The following LHFPL6 variants were observed in gnomAD, a reference collection of about 807,000 sequenced individuals.
LHFPL6 encodes the protein LHFPL tetraspan subfamily member 6.
A neutral mutation model predicts 20.6 loss-of-function variants in LHFPL6; 9 were observed. The ratio of observed to expected loss-of-function variants is 0.44; its 90% CI spans 0.26 to 0.76. The LOEUF is 0.76. LHFPL6 is among the 30% of genes least tolerant of loss of function. LHFPL6 has a pLI of 0.20. For synonymous variants in LHFPL6, 105 were observed against 98.7 expected, an observed-to-expected ratio of 1.06 and a Z score of -0.38; for missense variants, 218 against 253.5, an observed-to-expected ratio of 0.86 and a Z score of 0.95.
chr13:39,589,981 A>G (rs1323635197), intron 2 of LHFPL6, among the ~76,000 whole-genome samples: 2 of 152,226 alleles, frequency 1.3e-5, no homozygotes, highest in African/African-American at 4.8e-5. Flanking sequence ...CAAAGAGACA[A>G]TAAGAATATT....
intron 2 of LHFPL6, among the ~76,000 whole-genome samples, chr13:39,594,923 C>T (rs531126340): frequency 1.3e-5 from 2 of 152,134 alleles, no homozygotes; most frequent in African/African-American, 4.8e-5. Flanking sequence ...ACAATGAGAA[C>T]ACACGGACAC....
Position 39,361,316 on chromosome 13 carries a change from T to A in LHFPL6, c.484+17112A>T, listed in dbSNP as rs914370759. 7.0e-5 allele frequency among the ~76,000 whole-genome samples: 7 copies of A among 100,242 alleles called. 2 individuals carry two copies. The highest frequency in any genetic ancestry group is 1.2e-4 in the African/African-American group (4 of 33,078). The allele number at this position is 100,242 out of a possible 152,430, so 65.8% of individuals were successfully genotyped here. The stretch of plus-strand genomic sequence containing the variant: ...AGCCTCTGAAGAATTTTTTTTAATT[T>A]TTTTTATTTTTTTTTATTTTGAGAT... On this transcript the variant is annotated intron_variant, in intron 3 of 3. Transcript: ENST00000379589.
chr13:39,553,430 G>T (rs949592381), intron 2 of LHFPL6, among the ~76,000 whole-genome samples: 1 of 152,146 alleles, frequency 6.6e-6, no homozygotes, highest in Admixed American at 6.5e-5. Flanking sequence ...CTTCAGGCAC[G>T]GCCAGGCATG....
intron 2 of LHFPL6, among the ~76,000 whole-genome samples, chr13:39,386,023 T>C (rs1417798200): frequency 2.0e-5 from 3 of 152,218 alleles, no homozygotes; most frequent in South Asian, 2.1e-4. Flanking sequence ...AATTCATCTT[T>C]TATGTTTTTT....
intron 2 of LHFPL6, among the ~76,000 whole-genome samples, chr13:39,403,184 G>C (rs182473300): frequency 3.3e-4 from 50 of 152,318 alleles, no homozygotes; most frequent in Admixed American, 1.1e-3. Flanking sequence ...GAGAAGCAAT[G>C]CTTTTGTCAA....
chr13:39,368,231 C>T (rs1307415704), intron 3 of LHFPL6, among the ~76,000 whole-genome samples: 2 of 147,020 alleles, frequency 1.4e-5, no homozygotes, highest in Non-Finnish European at 3.0e-5. Flanking sequence ...TTTGGGAGGG[C>T]GAGGCAGGAG....
intron 2 of LHFPL6, among the ~76,000 whole-genome samples, chr13:39,450,862 T>C (rs1184564076): frequency 6.6e-6 from 1 of 152,098 alleles, no homozygotes; most frequent in Non-Finnish European, 1.5e-5. Context: ...ACTATAAACA[T>C]ACAGTAACTG....
At chr13:39,557,824 A>G (rs377581643) in intron 2 of LHFPL6, among the ~76,000 whole-genome samples, 3 of 152,154 alleles carry the variant, frequency 2.0e-5, no homozygotes, top group Admixed American at 1.3e-4. Context: ...GCCCTCATGA[A>G]CGGCTCAGCC....
chr13:39,527,381 CTG>C (rs901686113), intron 2 of LHFPL6, among the ~76,000 whole-genome samples: 1 of 152,132 alleles, frequency 6.6e-6, no homozygotes, highest in African/African-American at 2.4e-5. Flanking sequence ...AAGGTGACCT[CTG>C]TGGACCACTA....
At chr13:39,371,953 G>T (rs1354213321) in intron 3 of LHFPL6, among the ~76,000 whole-genome samples, 2 of 152,196 alleles carry the variant, frequency 1.3e-5, no homozygotes, top group Non-Finnish European at 2.9e-5. Flanking sequence ...AGTGCCAAAC[G>T]CTCTTACAAC....
At chr13:39,532,349 C>A (rs79270800) in intron 2 of LHFPL6, among the ~76,000 whole-genome samples, 4,041 of 152,212 alleles carry the variant, frequency 0.027, 80 homozygotes, top group East Asian at 0.076. Context: ...CACCACTCCT[C>A]GACAAACACC....
intron 2 of LHFPL6, among the ~76,000 whole-genome samples, chr13:39,579,792 C>T (rs114506443): frequency 0.011 from 1,630 of 152,208 alleles, 26 homozygotes; most frequent in African/African-American, 0.037. Flanking sequence ...GATAGAATAA[C>T]GATCTAGCAA....
intron 2 of LHFPL6, among the ~76,000 whole-genome samples, chr13:39,519,648 T>TTTTG (rs1870043785): frequency 1.3e-5 from 2 of 152,200 alleles, no homozygotes; most frequent in South Asian, 4.1e-4. Context: ...TGAAGCTAAA[T>TTTTG]ATGACACACA....
At chr13:39,378,333 T>G (rs1461211248) in intron 3 of LHFPL6, 95 bp downstream of exon 3, 1 of 951,726 alleles carries the variant, frequency 1.1e-6, no homozygotes. Flanking sequence ...CCCAGGGAGG[T>G]TTTTCTTATC....
At chr13:39,450,404 T>C (rs1394092715) in intron 2 of LHFPL6, among the ~76,000 whole-genome samples, 1 of 152,226 alleles carries the variant, frequency 6.6e-6, no homozygotes, top group Non-Finnish European at 1.5e-5. Context: ...AAAGTTCCTA[T>C]TTTGTTTGGT....
intron 2 of LHFPL6, among the ~76,000 whole-genome samples, chr13:39,515,489 C>A (rs998110785): frequency 1.3e-5 from 2 of 152,308 alleles, no homozygotes; most frequent in Non-Finnish European, 1.5e-5. Flanking sequence ...TTACCATTTG[C>A]CCTTATTGCT....
rs574443619 is a variant in LHFPL6 at position 39,430,642 on chromosome 13, G to A, written c.386-52116C>T. 9.2e-5 allele frequency among the ~76,000 whole-genome samples: 14 copies of A among 152,300 alleles called. No homozygotes were observed. The East Asian group carries it at 2.1e-3, about 23-fold the overall frequency. ...TCTGTCTAGCTAAAGTTTTGCAAAC[G>A]CACCAATCAGCACTCTGTAAAAATG... On this transcript the variant is annotated intron_variant, in intron 2 of 3. Coordinates refer to ENST00000379589, the MANE Select transcript of LHFPL6 (RefSeq NM_005780.3).
rs1375279144 is a variant in LHFPL6, at chr13:39,565,170, C to G, written c.385+35662G>C. On this transcript the variant is annotated intron_variant, in intron 2 of 3. Transcript: ENST00000379589. ...GCTTGCCATCTATATCATCTTATAT[C>G]CAGGAGGACAATAAGCCAAGAAAGA... Among the ~76,000 whole-genome samples, 11 of 149,394 alleles carry G rather than the reference C, an allele frequency of 7.4e-5. No homozygotes were observed. The Admixed American group carries it at 7.4e-4, about 10-fold the overall frequency.
intron 2 of LHFPL6, among the ~76,000 whole-genome samples, chr13:39,428,348 T>C (rs1871697472): frequency 6.6e-6 from 1 of 152,234 alleles, no homozygotes; most frequent in South Asian, 2.1e-4. Flanking sequence ...GACATGAAGC[T>C]TCTTATAGAG....
Sources: gnomAD v4.1 joint callset for allele counts (sites outside exome capture counted in the v4.1 genomes callset) on GRCh38, gnomAD v4.1.1 for gene constraint, MANE v1.5 for transcripts, NCBI Gene and HGNC (gene_info 2026-07-23, HGNC 2026-07-21) for gene names.